SCTR: variants seen among roughly 807,000 people sequenced by gnomAD.
SCTR encodes secretin receptor.
SCTR carries 56 observed loss-of-function variants against 60.8 expected under a neutral mutation model. That is an observed-to-expected ratio of 0.92 (90% CI 0.74 to 1.15). The LOEUF is 1.15. SCTR is among the 50% of genes most tolerant of loss of function. The pLI is 0.00. For synonymous variants in SCTR, 202 were observed against 217.0 expected (o/e 0.93, Z 0.61); for missense variants, 562 against 550.4 (o/e 1.02, Z -0.21).
intron 2 of SCTR, among the ~76,000 whole-genome samples, chr2:119,482,190 G>A (rs1677640544): frequency 6.6e-6 from 1 of 152,192 alleles, no homozygotes; most frequent in Admixed American, 6.5e-5. Context: ...AACTGGAGAG[G>A]GACAGAAGGG....
At chr2:119,475,379 C>G (rs1356122505) in intron 3 of SCTR, among the ~76,000 whole-genome samples, 3 of 152,068 alleles carry the variant, frequency 2.0e-5, no homozygotes, top group African/African-American at 7.2e-5. Context: ...CGTTTGGGGC[C>G]CTCTCCTCAC....
At chr2:119,478,601 G>T (rs1458818966) in intron 3 of SCTR, among the ~76,000 whole-genome samples, 3 of 152,226 alleles carry the variant, frequency 2.0e-5, no homozygotes, top group Admixed American at 2.0e-4. Flanking sequence ...CCAGTGCACT[G>T]CCTCCTGCCC....
intron 1 of SCTR, among the ~76,000 whole-genome samples, chr2:119,502,801 G>T (rs192426888): frequency 1.9e-4 from 28 of 150,308 alleles, no homozygotes; most frequent in Non-Finnish European, 4.1e-4. Context: ...AGACCAACCT[G>T]GGCGACAGAG....
chr2:119,444,114 C>CAT (rs10648529), intron 11 of SCTR, among the ~76,000 whole-genome samples: 130,922 of 146,600 alleles, frequency 0.89, 58,660 homozygotes, highest in African/African-American at 0.96. Context: ...AACATTTTCT[C>CAT]ATGTGTGTGT....
At chr2:119,517,374 G>T (rs1432775622) in intron 1 of SCTR, among the ~76,000 whole-genome samples, 1 of 152,096 alleles carries the variant, frequency 6.6e-6, no homozygotes, top group Non-Finnish European at 1.5e-5. Context: ...TGCCCAGGCT[G>T]GTCTTGAACT....
intron 4 of SCTR, among the ~76,000 whole-genome samples, chr2:119,468,466 C>T (rs1410285076): frequency 6.6e-6 from 1 of 152,204 alleles, no homozygotes; most frequent in Non-Finnish European, 1.5e-5. Context: ...CCTCAGATTC[C>T]TCATCTGCAA....
chr2:119,485,951 G>C (rs1450334464), intron 2 of SCTR: 2 of 152,318 alleles, frequency 1.3e-5, no homozygotes, highest in East Asian at 3.9e-4. Context: ...GCCATCCAAG[G>C]GGCAGCCTGG....
intron 4 of SCTR, among the ~76,000 whole-genome samples, chr2:119,468,080 GA>G (rs1683912566): frequency 6.6e-6 from 1 of 152,104 alleles, no homozygotes; most frequent in Non-Finnish European, 1.5e-5. Flanking sequence ...TACATACAGA[GA>G]GACAAGATTG....
intron 2 of SCTR, among the ~76,000 whole-genome samples, chr2:119,493,803 G>A (rs558106732): frequency 6.6e-5 from 10 of 152,090 alleles, no homozygotes; most frequent in East Asian, 1.9e-4. Context: ...CACCACGCCC[G>A]GCTAATTTTG....
At chr2:119,459,843 T>C (rs966710032) in intron 7 of SCTR, among the ~76,000 whole-genome samples, 4 of 152,150 alleles carry the variant, frequency 2.6e-5, no homozygotes, top group South Asian at 2.1e-4. Flanking sequence ...CCTGATATTA[T>C]AGATGGGAAA....
At chr2:119,455,025 A>G (rs991318971) in intron 7 of SCTR, among the ~76,000 whole-genome samples, 2 of 115,678 alleles carry the variant, frequency 1.7e-5, no homozygotes, top group African/African-American at 3.0e-5. Flanking sequence ...AGCTAGATGT[A>G]TGGCTCAGAT....
intron 7 of SCTR, among the ~76,000 whole-genome samples, chr2:119,453,843 C>T (rs983786890): frequency 6.6e-6 from 1 of 152,146 alleles, no homozygotes; most frequent in Admixed American, 6.5e-5. Flanking sequence ...CTAAGGTAAG[C>T]CATCACTGTC....
intron 9 of SCTR, among the ~76,000 whole-genome samples, chr2:119,450,149 G>GAAGC (rs869198544): frequency 6.7e-6 from 1 of 149,086 alleles, no homozygotes. Flanking sequence ...AGGAAGCAAG[G>GAAGC]AAGCAAGCAA....
At chr2:119,489,496 A>G (rs529528278) in intron 2 of SCTR, among the ~76,000 whole-genome samples, 29 of 152,304 alleles carry the variant, frequency 1.9e-4, no homozygotes, top group South Asian at 1.9e-3. Flanking sequence ...TAGCTGCCTC[A>G]GGCTGGGGCA....
chr2:119,441,788 C>T lies in SCTR; in HGVS notation c.1141-189G>A, dbSNP rs770053198. 1.2e-4 allele frequency: 74 copies of T among 595,072 alleles called. 1 individual carries two copies. Among genetic ancestry groups the T allele is most frequent in the South Asian group, 1.2e-3 (68 of 55,090 alleles). The allele number at this position is 595,072 out of a possible 1,614,324, so 36.9% of individuals were successfully genotyped here. A position where few individuals can be genotyped will look rare whatever the true frequency, so the allele number is the denominator to read the frequency against. ...CACGGTGGCCCTGGCTGTGCTGGCT[C>T]ATCCAGCATAAACTGTGAACTCCTT... is the stretch of plus-strand genomic sequence containing the variant. On this transcript the variant is annotated intron_variant, in intron 11 of 12. Transcript: ENST00000019103.
At chr2:119,464,454 GA>G (rs11323674) in intron 5 of SCTR, among the ~76,000 whole-genome samples, 199 bp from the exon 6 acceptor site, 27,710 of 126,616 alleles carry the variant, frequency 0.22, 2,741 homozygotes, top group East Asian at 0.32. Context: ...GCTGCAGTGA[GA>G]AAAAAAAAAA....
At chr2:119,456,359 C>T (rs1460938328) in intron 7 of SCTR, among the ~76,000 whole-genome samples, 2 of 152,050 alleles carry the variant, frequency 1.3e-5, no homozygotes, top group East Asian at 3.9e-4. Context: ...TGTGCCTGGA[C>T]TTCAGCTTGT....
chr2:119,512,154 G>A (rs1678967105), intron 1 of SCTR, among the ~76,000 whole-genome samples: 1 of 152,092 alleles, frequency 6.6e-6, no homozygotes, highest in Non-Finnish European at 1.5e-5. Context: ...AAAATATTAT[G>A]TTTTTAATTT....
At chr2:119,507,640 C>T (rs1678783320) in intron 1 of SCTR, among the ~76,000 whole-genome samples, 2 of 149,420 alleles carry the variant, frequency 1.3e-5, no homozygotes, top group Admixed American at 1.3e-4. Flanking sequence ...TGAAAGTCCG[C>T]ATTCCATTTC....
Sources: allele counts gnomAD v4.1 joint callset (sites outside exome capture counted in the v4.1 genomes callset), GRCh38; gene constraint gnomAD v4.1.1; transcripts MANE v1.5; gene names NCBI Gene and HGNC (gene_info 2026-07-23, HGNC 2026-07-21).